USH2A: variants seen among roughly 807,000 people sequenced by gnomAD.
The protein encoded by USH2A is usherin.
USH2A carries 443 observed loss-of-function variants against 538.9 expected under a neutral mutation model. The ratio of observed to expected loss-of-function variants is 0.82; its 90% CI spans 0.76 to 0.89. The LOEUF is 0.89. Among genes scored for constraint, USH2A ranks in the 40% least tolerant of loss-of-function variants. The probability of loss-of-function intolerance (pLI) is 0.00; values close to 1 mark genes in which losing one functional copy is unlikely to be tolerated. For synonymous variants in USH2A, 2,413 were observed against 2,273.5 expected, an observed-to-expected ratio of 1.06 and a Z score of -1.75; for missense variants, 6,633 against 6,324.8, an observed-to-expected ratio of 1.05 and a Z score of -1.65.
Position 216,422,362 on chromosome 1 carries a change from G to A in USH2A, c.-26C>T. On this transcript the variant is annotated 5_prime_UTR_variant, in exon 2 of 72. The change creates a premature stop within an existing upstream ORF in the 5' untranslated region. Coordinates refer to ENST00000307340, the MANE Select transcript of USH2A (RefSeq NM_206933.4). ...GTTTACAAAAAAGCATTCTCCTCCT[G>A]ATAAAGCATTTCTAAATAAATAATC... The A allele has an allele frequency of 6.2e-7, 1 of 1,613,234 alleles. No individual in the cohort carries two copies. Among genetic ancestry groups the A allele is most frequent in the Non-Finnish European group, 8.5e-7 (1 of 1,179,714 alleles).
chr1:215,836,479 TAATATATATTATATATATA>T (rs1558119822), intron 47 of USH2A, among the ~76,000 whole-genome samples: 7 of 4,678 alleles, frequency 1.5e-3, no homozygotes, highest in African/African-American at 2.6e-3. Context: ...TATATATATA[TAATATATATTATATATATA>T]ATATATATTA....
chr1:216,207,515 G>T (rs2035142373), intron 15 of USH2A, 84 bp from the exon 16 acceptor site: 1 of 1,537,644 alleles, frequency 6.5e-7, no homozygotes, highest in Non-Finnish European at 9.0e-7. Flanking sequence ...CAGCAAAGAG[G>T]TCTTTCTGAT....
chr1:216,044,439 G>T (rs1189243804), intron 32 of USH2A, among the ~76,000 whole-genome samples: 1 of 152,062 alleles, frequency 6.6e-6, no homozygotes, highest in African/African-American at 2.4e-5. Context: ...CTTCCATGGT[G>T]TGATTTAATT....
chr1:216,021,261 G>A lies in USH2A; in HGVS notation c.6326-20699C>T, dbSNP rs185856924. 5.1e-3 allele frequency among the ~76,000 whole-genome samples: 777 copies of A among 152,204 alleles called. 8 individuals are homozygous for A. Among genetic ancestry groups the A allele is most frequent in the Middle Eastern group, 0.01 (3 of 294 alleles). On this transcript the variant is annotated intron_variant, in intron 32 of 71. Coordinates refer to ENST00000307340, the MANE Select transcript of USH2A (RefSeq NM_206933.4). ...GAATTGTAGCTCCCATAATTCCCAC[G>A]TGTTGTGGGAGGGACCCGGTGGGAG...
chr1:216,027,261 AG>A (rs71556646), intron 32 of USH2A, among the ~76,000 whole-genome samples: 1 of 152,170 alleles, frequency 6.6e-6, no homozygotes, highest in Non-Finnish European at 1.5e-5. Flanking sequence ...TAAAGACACC[AG>A]GGTGTGCGTG....
rs145258082 is a variant in USH2A, at chr1:216,057,310, T to C, written c.6050-8663A>G. Reference sequence around the variant, plus strand: ...CATTACATCATTTCTATTTTTACTATTTATGTCATAGGCCATATTTTCGTC... The same window carrying C: ...CATTACATCATTTCTATTTTTACTACTTATGTCATAGGCCATATTTTCGTC... On this transcript the variant is annotated intron_variant, in intron 30 of 71. Transcript: ENST00000307340. Among the ~76,000 whole-genome samples the C allele has an allele frequency of 2.2e-4, 34 of 152,264 alleles. 1 individual carries two copies. In the East Asian group the frequency reaches 6.4e-3, roughly 29 times the overall value.
At chr1:216,064,917 T>C (rs913241700) in intron 30 of USH2A, among the ~76,000 whole-genome samples, 1 of 152,142 alleles carries the variant, frequency 6.6e-6, no homozygotes, top group Non-Finnish European at 1.5e-5. Flanking sequence ...TGACTGTACC[T>C]AAAGCAATGA....
At chr1:215,968,096 T>C (rs1394800876) in intron 36 of USH2A, among the ~76,000 whole-genome samples, 2 of 152,202 alleles carry the variant, frequency 1.3e-5, no homozygotes, top group Non-Finnish European at 1.5e-5. Context: ...TCTAATACAA[T>C]TGAAAGCAAG....
At chr1:215,685,424 C>T (rs1483696509) in intron 61 of USH2A, among the ~76,000 whole-genome samples, 1 of 150,382 alleles carries the variant, frequency 6.6e-6, no homozygotes, top group East Asian at 2.0e-4. Context: ...ATGGCGCAAT[C>T]TCAGCTCACT....
At position 216,327,585 on chromosome 1, in the gene USH2A, G is replaced by T. The variant is rs760329471; in HGVS notation, c.848+6C>A. 5 of 1,612,962 alleles carry T rather than the reference G, an allele frequency of 3.1e-6. No individual in the cohort carries two copies. The African/African-American group carries it at 5.3e-5, about 17-fold the overall frequency. The stretch of plus-strand genomic sequence containing the variant: ...TCTTGAGGTTTACAATGCAACATCT[G>T]CTTACCTGTTTGTAAGTGCCACTTG... On this transcript the variant is annotated splice_donor_region_variant and intron_variant, in intron 5 of 71. Coordinates refer to ENST00000307340, the MANE Select transcript of USH2A (RefSeq NM_206933.4).
At chr1:216,015,392 G>A (rs1380247797) in intron 32 of USH2A, among the ~76,000 whole-genome samples, 1 of 152,186 alleles carries the variant, frequency 6.6e-6, no homozygotes, top group African/African-American at 2.4e-5. Context: ...TTGATTCCAG[G>A]AGAACCAGAT....
intron 19 of USH2A, among the ~76,000 whole-genome samples, chr1:216,192,259 A>C (rs964545539): frequency 3.9e-5 from 6 of 152,116 alleles, no homozygotes; most frequent in Non-Finnish European, 8.8e-5. Context: ...TTTATTTACA[A>C]AGATTATAAC....
chr1:216,044,985 A>G (rs1415365743), intron 32 of USH2A, among the ~76,000 whole-genome samples: 1 of 152,182 alleles, frequency 6.6e-6, no homozygotes, highest in Non-Finnish European at 1.5e-5. Context: ...CTGGATGAAT[A>G]CACAGCCCTG....
chr1:215,957,043 C>T (rs999362036), intron 37 of USH2A, among the ~76,000 whole-genome samples: 4 of 152,004 alleles, frequency 2.6e-5, no homozygotes, highest in Non-Finnish European at 4.4e-5. Flanking sequence ...TTTGATTTCC[C>T]AAGTGTTTAG....
chr1:215,782,031 A>G lies in USH2A; in HGVS notation c.10740+11T>C. ...ACCCCTTTTCCCAGAGTTTAGGCAA[A>G]CTCCTCTTACCTTGCTACTGGTGGC... On this transcript the variant is annotated intron_variant, in intron 54 of 71. Transcript: ENST00000307340. The G allele has an allele frequency of 1.9e-6, 3 of 1,613,702 alleles. No homozygotes were observed.
At chr1:215,956,609 T>C (rs1667074699) in intron 37 of USH2A, among the ~76,000 whole-genome samples, 1 of 152,132 alleles carries the variant, frequency 6.6e-6, no homozygotes. Flanking sequence ...TGCCCTCTCA[T>C]GGCTCTGTGG....
intron 32 of USH2A, among the ~76,000 whole-genome samples, chr1:216,003,727 C>A (rs1242554785): frequency 6.6e-6 from 1 of 151,970 alleles, no homozygotes; most frequent in Non-Finnish European, 1.5e-5. Context: ...CCTTGTAGGT[C>A]TTTGTAAGAA....
At chr1:216,027,987 C>T (rs941242237) in intron 32 of USH2A, among the ~76,000 whole-genome samples, 1 of 152,170 alleles carries the variant, frequency 6.6e-6, no homozygotes. Flanking sequence ...CATTAACTAA[C>T]TTTATGATTT....
At chr1:216,233,085 A>G (rs1012207642) in intron 13 of USH2A, among the ~76,000 whole-genome samples, 1 of 152,056 alleles carries the variant, frequency 6.6e-6, no homozygotes, top group Non-Finnish European at 1.5e-5. Context: ...TGGACATTTC[A>G]CTTCTCTATT....
Sources: allele counts gnomAD v4.1 joint callset (sites outside exome capture counted in the v4.1 genomes callset), GRCh38; gene constraint gnomAD v4.1.1; transcripts MANE v1.5; gene names NCBI Gene and HGNC (gene_info 2026-07-23, HGNC 2026-07-21).